PCDH15: variants seen among roughly 807,000 people sequenced by gnomAD.
PCDH15 encodes protocadherin-15.
Under a neutral mutation model 178.5 loss-of-function variants are expected in PCDH15, and 129 were observed. The observed-to-expected ratio is 0.72, with a 90% CI of 0.63 to 0.84. The LOEUF (loss-of-function observed/expected upper bound fraction) is 0.84. Among genes scored for constraint, PCDH15 ranks in the 40% least tolerant of loss-of-function variants. The probability of loss-of-function intolerance (pLI) is 0.00; values close to 1 mark genes in which losing one functional copy is unlikely to be tolerated. For synonymous variants in PCDH15, 800 were observed against 732.0 expected, an observed-to-expected ratio of 1.09 and a Z score of -1.50; for missense variants, 2,230 against 2,099.9, an observed-to-expected ratio of 1.06 and a Z score of -1.21.
chr10:53,863,015 A>G (rs530740840), intron 27 of PCDH15, among the ~76,000 whole-genome samples: 2 of 152,326 alleles, frequency 1.3e-5, no homozygotes, highest in East Asian at 3.9e-4. Flanking sequence ...AATGAGGAAG[A>G]CTACAGGTGG....
At chr10:54,456,402 G>C (rs577116140) in intron 3 of PCDH15, among the ~76,000 whole-genome samples, 1 of 152,206 alleles carries the variant, frequency 6.6e-6, no homozygotes, top group South Asian at 2.1e-4. Flanking sequence ...ATTGGATTCT[G>C]GGCTTGAATG....
chr10:55,043,829 T>C (rs1840929902), intron 2 of PCDH15, among the ~76,000 whole-genome samples: 1 of 152,012 alleles, frequency 6.6e-6, no homozygotes, highest in African/African-American at 2.4e-5. Flanking sequence ...ATCTGGATAC[T>C]TGCTTACATA....
intron 2 of PCDH15, among the ~76,000 whole-genome samples, chr10:55,589,461 A>G (rs4264076): frequency 0.31 from 46,701 of 151,722 alleles, 7,719 homozygotes; most frequent in East Asian, 0.42. Context: ...AAATTGACAA[A>G]TGGGATCTAA....
intron 2 of PCDH15, among the ~76,000 whole-genome samples, chr10:54,614,838 C>T (rs1205174101): frequency 6.6e-6 from 1 of 151,884 alleles, no homozygotes; most frequent in Non-Finnish European, 1.5e-5. Context: ...TTACCTCTTC[C>T]TTGAATCTAT....
chr10:54,399,079 T>C (rs1038286692), intron 3 of PCDH15, among the ~76,000 whole-genome samples: 39 of 152,102 alleles, frequency 2.6e-4, no homozygotes, highest in African/African-American at 8.9e-4. Context: ...TCTGATTTTC[T>C]CAACAACTCT....
chr10:54,054,546 C>A (rs540791329), intron 18 of PCDH15, among the ~76,000 whole-genome samples: 1 of 152,194 alleles, frequency 6.6e-6, no homozygotes, highest in African/African-American at 2.4e-5. Flanking sequence ...TGGGATTTCA[C>A]AACTATAAAT....
At chr10:54,098,314 A>T (rs1249087863) in intron 15 of PCDH15, among the ~76,000 whole-genome samples, 1 of 152,030 alleles carries the variant, frequency 6.6e-6, no homozygotes, top group African/African-American at 2.4e-5. Context: ...TTCTGGGCAC[A>T]CTGATATAAA....
In PCDH15 at chr10:53,995,860, A is replaced by G; in HGVS notation, c.2752-95T>C. The G allele has an allele frequency of 1.8e-6, 2 of 1,098,082 alleles. 1 individual carries two copies. The highest frequency in any genetic ancestry group is 5.3e-4 in the Middle Eastern group (2 of 3,766). 68.0% of individuals were successfully genotyped at this position (1,098,082 alleles called of 1,614,324 possible). A position where few individuals can be genotyped will look rare whatever the true frequency, so the allele number is the denominator to read the frequency against. ...TCCCAGTCTTCATATCACACAACTTATTTACCACTGTCAGCCTTCCATCCT... is the reference window on the plus strand; with the variant it reads ...TCCCAGTCTTCATATCACACAACTTGTTTACCACTGTCAGCCTTCCATCCT... On this transcript the variant is annotated intron_variant, in intron 20 of 37. Transcript: ENST00000644397.
At chr10:55,291,052 A>T (rs1419726995) in intron 1 of PCDH15, among the ~76,000 whole-genome samples, 1 of 152,144 alleles carries the variant, frequency 6.6e-6, no homozygotes, top group East Asian at 1.9e-4. Flanking sequence ...GTTTATAATG[A>T]CATTCTTATT....
intron 2 of PCDH15, among the ~76,000 whole-genome samples, chr10:55,391,635 C>T (rs1318153350): frequency 1.3e-5 from 2 of 151,942 alleles, no homozygotes; most frequent in East Asian, 3.9e-4. Context: ...TACAGGCATG[C>T]ACCACCACAC....
At chr10:54,160,314 C>G (rs951691932) in intron 13 of PCDH15, among the ~76,000 whole-genome samples, 1 of 151,936 alleles carries the variant, frequency 6.6e-6, no homozygotes, top group African/African-American at 2.4e-5. Context: ...ATATAGTTGA[C>G]CAAAAGTAAT....
At chr10:53,846,740 T>C (rs2132861466) in intron 28 of PCDH15, among the ~76,000 whole-genome samples, 1 of 152,132 alleles carries the variant, frequency 6.6e-6, no homozygotes, top group South Asian at 2.1e-4. Flanking sequence ...AACTGTAGTG[T>C]AAGGTGTTTA....
intron 3 of PCDH15, among the ~76,000 whole-genome samples, chr10:54,846,467 CT>C (rs1953518255): frequency 6.6e-6 from 1 of 152,028 alleles, no homozygotes; most frequent in Non-Finnish European, 1.5e-5. Context: ...GGGCCTGATT[CT>C]TCTACATTTT....
At chr10:54,008,210 C>G (rs1349461864) in intron 20 of PCDH15, among the ~76,000 whole-genome samples, 1 of 152,074 alleles carries the variant, frequency 6.6e-6, no homozygotes, top group Non-Finnish European at 1.5e-5. Flanking sequence ...TTAAGTTTTG[C>G]TTTAAATGTA....
intron 3 of PCDH15, among the ~76,000 whole-genome samples, chr10:54,490,247 G>A (rs1439652118): frequency 3.3e-5 from 5 of 151,908 alleles, no homozygotes; most frequent in Non-Finnish European, 5.9e-5. Context: ...TCAGGAGATC[G>A]AGACCATCCT....
chr10:53,856,977 G>T (rs2078791057), intron 28 of PCDH15, among the ~76,000 whole-genome samples, 198 bp downstream of exon 28: 1 of 151,974 alleles, frequency 6.6e-6, no homozygotes, highest in Admixed American at 6.6e-5. Flanking sequence ...GGGCATGAGG[G>T]CTGACAAATT....
chr10:55,051,426 T>C (rs1046375298), intron 2 of PCDH15, among the ~76,000 whole-genome samples: 2 of 152,184 alleles, frequency 1.3e-5, no homozygotes, highest in African/African-American at 4.8e-5. Flanking sequence ...ATTAGTTTGT[T>C]TTAAAATATT....
intron 28 of PCDH15, among the ~76,000 whole-genome samples, chr10:53,852,588 G>A (rs77763754): frequency 3.9e-5 from 6 of 152,004 alleles, no homozygotes; most frequent in Admixed American, 2.6e-4. Context: ...CCATTTTCCA[G>A]GTACTGCGGT....
intron 2 of PCDH15, among the ~76,000 whole-genome samples, chr10:55,542,492 A>T (rs1330307469): frequency 6.6e-6 from 1 of 150,788 alleles, no homozygotes; most frequent in African/African-American, 2.4e-5. Flanking sequence ...TGTGGATCAA[A>T]AATTACATAT....
Sources: allele counts gnomAD v4.1 joint callset (sites outside exome capture counted in the v4.1 genomes callset), GRCh38; gene constraint gnomAD v4.1.1; transcripts MANE v1.5; gene names NCBI Gene and HGNC (gene_info 2026-07-23, HGNC 2026-07-21).